The following JARID2 variants were observed in gnomAD, a reference collection of about 807,000 sequenced individuals.
The protein encoded by JARID2 is protein Jumonji.
In JARID2, 21 loss-of-function variants were observed where a neutral mutation model predicts 125.6. That is an observed-to-expected ratio of 0.17 (90% CI 0.12 to 0.24). The LOEUF (loss-of-function observed/expected upper bound fraction) is 0.24. JARID2 is among the 10% of genes least tolerant of loss of function. The pLI is 1.00. For missense variants in JARID2, 1,303 were observed against 1,639.6 expected (o/e 0.79, Z 3.55); for synonymous variants, 736 against 661.6 (o/e 1.11, Z -1.73).
chr6:15,313,808 G>T (rs896420203), intron 1 of JARID2, among the ~76,000 whole-genome samples: 3 of 152,140 alleles, frequency 2.0e-5, no homozygotes, highest in Non-Finnish European at 4.4e-5. Flanking sequence ...ATTTCTTTCA[G>T]ATCTTAAATA....
intron 1 of JARID2, chr6:15,248,965 G>C (rs1759321588): frequency 1.0e-6 from 1 of 985,508 alleles, no homozygotes. Context: ...TTCCCACCAG[G>C]TGAGGGCCGG....
intron 1 of JARID2, among the ~76,000 whole-genome samples, chr6:15,360,706 T>C (rs1313870526): frequency 4.6e-5 from 7 of 152,154 alleles, no homozygotes; most frequent in Non-Finnish European, 1.0e-4. Flanking sequence ...TCTCTTGCTA[T>C]ATTGGCCAGG....
At chr6:15,395,660 A>T (rs1765193768) in intron 2 of JARID2, among the ~76,000 whole-genome samples, 1 of 151,530 alleles carries the variant, frequency 6.6e-6, no homozygotes, top group South Asian at 2.1e-4. Flanking sequence ...TCGGCCTCCC[A>T]AAGTGCTGTG....
intron 1 of JARID2, among the ~76,000 whole-genome samples, chr6:15,368,976 G>A (rs768718055): frequency 1.3e-5 from 2 of 152,030 alleles, no homozygotes; most frequent in African/African-American, 2.4e-5. Flanking sequence ...ACAGGCTGCC[G>A]AGTGGTTAAG....
intron 1 of JARID2, among the ~76,000 whole-genome samples, chr6:15,344,909 A>G (rs542724067): frequency 6.6e-6 from 1 of 152,294 alleles, no homozygotes; most frequent in Non-Finnish European, 1.5e-5. Context: ...GATTATGATC[A>G]TTCTTTTGTG....
intron 3 of JARID2, among the ~76,000 whole-genome samples, chr6:15,434,191 A>G (rs1767103622): frequency 6.6e-6 from 1 of 151,882 alleles, no homozygotes; most frequent in South Asian, 2.1e-4. Flanking sequence ...AGATCAGAGA[A>G]TGAGAGATGA....
Position 15,277,542 on chromosome 6 carries a change from G to A in JARID2, c.45+30958G>A, listed in dbSNP as rs767619697. Among the ~76,000 whole-genome samples, 24 of 152,282 alleles carry A rather than the reference G, an allele frequency of 1.6e-4. 1 individual carries two copies. In the South Asian group the frequency reaches 5.0e-3, roughly 32 times the overall value. On this transcript the variant is annotated intron_variant, in intron 1 of 17. Coordinates refer to ENST00000341776, the MANE Select transcript of JARID2 (RefSeq NM_004973.4). ...CTGGGTAAGGTTTCTCAGGGTTGTA[G>A]GCCAGTCTCTTTGTCAGGAAGAGAG...
intron 1 of JARID2, among the ~76,000 whole-genome samples, chr6:15,292,009 G>A (rs1200872259): frequency 1.3e-5 from 2 of 152,000 alleles, no homozygotes; most frequent in Admixed American, 1.3e-4. Context: ...CATAATGGAT[G>A]TTGTAGGTCT....
chr6:15,468,633 C>T lies in JARID2; in HGVS notation c.585C>T (p.Val195=). The change falls in exon 5 of 18, where the codon GTC becomes GTT. Residue 195 remains valine, a synonymous_variant. Coordinates refer to ENST00000341776, the MANE Select transcript of JARID2 (RefSeq NM_004973.4). The part of the protein sequence containing the change: ...VEEEDDETED[V]KTATNNASSS... ...AGGAAGATGATGAGACAGAAGACGT[C>T]AAAACAGCCACCAACAATGCTTCAT... 4 of 1,614,046 alleles carry T rather than the reference C, an allele frequency of 2.5e-6. No homozygotes were observed. Among genetic ancestry groups the T allele is most frequent in the Non-Finnish European group, 3.4e-6 (4 of 1,179,984 alleles).
intron 2 of JARID2, among the ~76,000 whole-genome samples, chr6:15,391,146 C>A (rs531946400): frequency 1.7e-5 from 1 of 59,976 alleles, no homozygotes; most frequent in Non-Finnish European, 3.9e-5. Context: ...AGTTGGTTTG[C>A]CCCCTTCTAG....
chr6:15,488,611 C>A (rs901592839), intron 6 of JARID2, among the ~76,000 whole-genome samples: 1 of 152,036 alleles, frequency 6.6e-6, no homozygotes, highest in East Asian at 1.9e-4. Flanking sequence ...TTTCGTCTTG[C>A]GGTAGAGGTG....
intron 1 of JARID2, among the ~76,000 whole-genome samples, chr6:15,358,569 A>G (rs921397326): frequency 2.0e-5 from 3 of 152,228 alleles, no homozygotes; most frequent in Non-Finnish European, 2.9e-5. Flanking sequence ...TCTTGAAGCC[A>G]GTAGGTGCTC....
chr6:15,403,959 A>G (rs1172581410), intron 2 of JARID2, among the ~76,000 whole-genome samples: 1 of 152,160 alleles, frequency 6.6e-6, no homozygotes, highest in African/African-American at 2.4e-5. Flanking sequence ...GGAAATCTCC[A>G]TAGCTGATTT....
chr6:15,434,263 T>C (rs1167277193), intron 3 of JARID2, among the ~76,000 whole-genome samples: 3 of 152,118 alleles, frequency 2.0e-5, no homozygotes, highest in Non-Finnish European at 4.4e-5. Context: ...GATGGACAAT[T>C]CCATATACTC....
chr6:15,383,247 C>T (rs1354827624), intron 2 of JARID2, among the ~76,000 whole-genome samples: 3 of 151,816 alleles, frequency 2.0e-5, no homozygotes, highest in Admixed American at 2.0e-4. Flanking sequence ...GCAGTCTTCC[C>T]ACCTCACCTT....
chr6:15,251,402 A>G (rs1759447154), intron 1 of JARID2, among the ~76,000 whole-genome samples: 1 of 152,142 alleles, frequency 6.6e-6, no homozygotes, highest in African/African-American at 2.4e-5. Flanking sequence ...TTCTGGCTGC[A>G]TTGCTCTGAT....
At chr6:15,357,020 A>G (rs1198393909) in intron 1 of JARID2, among the ~76,000 whole-genome samples, 1 of 152,184 alleles carries the variant, frequency 6.6e-6, no homozygotes, top group African/African-American at 2.4e-5. Context: ...TCAAAAACAA[A>G]CAAAAAACAA....
intron 1 of JARID2, among the ~76,000 whole-genome samples, chr6:15,307,008 G>A (rs554145037): frequency 1.8e-4 from 28 of 151,358 alleles, no homozygotes; most frequent in East Asian, 9.9e-4. Context: ...TTGGGAGGCC[G>A]AGGTAGGCGG....
At chr6:15,465,317 G>T (rs920863030) in intron 4 of JARID2, among the ~76,000 whole-genome samples, 12 of 152,132 alleles carry the variant, frequency 7.9e-5, no homozygotes, top group Non-Finnish European at 1.8e-4. Context: ...TCTGGGTTTG[G>T]TGGTGTGCAC....
Sources: allele counts gnomAD v4.1 joint callset (sites outside exome capture counted in the v4.1 genomes callset), GRCh38; gene constraint gnomAD v4.1.1; transcripts MANE v1.5; gene names NCBI Gene and HGNC (gene_info 2026-07-23, HGNC 2026-07-21).